The following HERC1 variants were observed in gnomAD, a reference collection of about 807,000 sequenced individuals.
The protein encoded by HERC1 is HECT and RLD domain containing E3 ubiquitin protein ligase family member 1, also known as probable E3 ubiquitin-protein ligase HERC1.
HERC1 carries 160 observed loss-of-function variants against 554.3 expected under a neutral mutation model. The ratio of observed to expected loss-of-function variants is 0.29; its 90% CI spans 0.25 to 0.33. HERC1 has a LOEUF of 0.33. Among genes scored for constraint, HERC1 ranks in the 10% least tolerant of loss-of-function variants. The pLI is 1.00. For missense variants in HERC1, 4,919 were observed against 5,918.5 expected (o/e 0.83, Z 5.54); for synonymous variants, 2,175 against 2,131.7 (o/e 1.02, Z -0.56).
chr15:63,669,770 T>TA, intron 39 of HERC1, 72 bp from the exon 40 acceptor site: 3 of 1,368,630 alleles, frequency 2.2e-6, no homozygotes, highest in Non-Finnish European at 3.1e-6. Context: ...AATCTTCTTA[T>TA]AGAAGAATAT....
At chr15:63,825,984 A>T (rs2077888361) in intron 1 of HERC1, among the ~76,000 whole-genome samples, 1 of 151,950 alleles carries the variant, frequency 6.6e-6, no homozygotes, top group African/African-American at 2.4e-5. Context: ...GCTGGTCTCA[A>T]ACTCCTGACC....
intron 1 of HERC1, among the ~76,000 whole-genome samples, chr15:63,811,810 A>G (rs1379903460): frequency 1.4e-5 from 1 of 69,390 alleles, no homozygotes; most frequent in East Asian, 2.3e-4. Context: ...CTCCGTCTCC[A>G]AAAAAAAAAA....
chr15:63,789,654 T>C (rs1352317649), intron 1 of HERC1, among the ~76,000 whole-genome samples: 1 of 151,346 alleles, frequency 6.6e-6, no homozygotes, highest in African/African-American at 2.4e-5. Flanking sequence ...AAAAATTAGC[T>C]AGGCGTTGTG....
intron 69 of HERC1, 41 bp downstream of exon 69, chr15:63,630,425 T>A (rs1355436510): frequency 2.5e-6 from 4 of 1,581,598 alleles, no homozygotes; most frequent in Non-Finnish European, 3.4e-6. Context: ...ACTGTGAGAT[T>A]TCTAGAATAT....
intron 1 of HERC1, among the ~76,000 whole-genome samples, chr15:63,781,034 A>C: frequency 6.6e-6 from 1 of 152,212 alleles, no homozygotes; most frequent in South Asian, 2.1e-4. Flanking sequence ...GTAATGATAT[A>C]ACAAACAAAT....
rs751400113 is a variant in HERC1 at position 63,732,964 on chromosome 15, A to T, written c.2828T>A (p.Ile943Asn). The T allele has an allele frequency of 3.1e-6, 5 of 1,613,806 alleles. No homozygotes were observed. The Admixed American group carries it at 5.0e-5, about 16-fold the overall frequency. Reference sequence around the variant, plus strand: ...ATTTCTTAAGAGGGTCTTCATCAAAATTTCAGCCAGGTGGGTATCTGGATG... The same window carrying T: ...ATTTCTTAAGAGGGTCTTCATCAAATTTTCAGCCAGGTGGGTATCTGGATG... ...SCHPDTHLAE[I>N]LMKTLLRNLG... The change falls in exon 14 of 78, where the codon ATT (isoleucine) becomes AAT (asparagine). Residue 943 changes from isoleucine to asparagine, a missense_variant. Transcript: ENST00000443617.
chr15:63,767,320 T>G (rs2075813119), intron 2 of HERC1, among the ~76,000 whole-genome samples: 1 of 152,140 alleles, frequency 6.6e-6, no homozygotes, highest in African/African-American at 2.4e-5. Context: ...TTTAAGTTGC[T>G]CTATATATTC....
At chr15:63,652,375 T>C in intron 52 of HERC1, 39 bp downstream of exon 52, 1 of 1,557,956 alleles carries the variant, frequency 6.4e-7, no homozygotes, top group Non-Finnish European at 8.7e-7. Flanking sequence ...TTTAGGATTC[T>C]CTTATTTTAA....
chr15:63,631,652 T>C (rs1408898510), intron 68 of HERC1, among the ~76,000 whole-genome samples: 1 of 152,220 alleles, frequency 6.6e-6, no homozygotes, highest in Non-Finnish European at 1.5e-5. Flanking sequence ...CAATTCTCCC[T>C]GCCTCAGCGT....
chr15:63,776,304 G>A (rs1296520410), intron 1 of HERC1, among the ~76,000 whole-genome samples: 1 of 152,012 alleles, frequency 6.6e-6, no homozygotes, highest in Non-Finnish European at 1.5e-5. Flanking sequence ...TATTCTACCA[G>A]TACCACCACC....
At chr15:63,643,247 T>C (rs2069160373) in intron 58 of HERC1, among the ~76,000 whole-genome samples, 157 bp downstream of exon 58, 1 of 152,164 alleles carries the variant, frequency 6.6e-6, no homozygotes, top group Non-Finnish European at 1.5e-5. Context: ...TTATCATCAG[T>C]AAGAAAAATG....
intron 2 of HERC1, among the ~76,000 whole-genome samples, chr15:63,767,218 C>T (rs1028719264): frequency 1.3e-5 from 2 of 148,544 alleles, no homozygotes; most frequent in Admixed American, 1.3e-4. Flanking sequence ...GGCCACACTG[C>T]TCTCGAACTA....
Position 63,718,087 on chromosome 15 carries a change from C to CAT in HERC1, c.3978+486_3978+487insAT, listed in dbSNP as rs2140376679. 1.3e-5 allele frequency among the ~76,000 whole-genome samples: 1 copy of CAT among 79,348 alleles called. No individual in the cohort carries two copies. The highest frequency in any genetic ancestry group is 4.7e-5 in the African/African-American group (1 of 21,186). 52.1% of individuals were successfully genotyped at this position (79,348 alleles called of 152,430 possible). On this transcript the variant is annotated intron_variant, in intron 21 of 77. Transcript: ENST00000443617. The surrounding 1 kb of genome is among the most constrained non-coding windows in gnomAD (Gnocchi z 4.2). ...TTTTTAAGGCAGCTATTATGTGACA[C>CAT]ACACACACACACACACACACACACA...
In HERC1 at chr15:63,696,324, G is replaced by C; in HGVS notation, c.4921C>G (p.Leu1641Val). ...GACAATAGAACGAGGATCTGATGAA[G>C]TGCCTCTAAACGAAGCTTGAGGAAA... ...QLRAELRLEA[L>V]HQILVLLSGM... Residue 1641 changes from leucine to valine, a missense_variant, in exon 27 of 78, where the codon CTT (leucine) becomes GTT (valine). Transcript: ENST00000443617. 1 of 1,611,700 alleles carries C rather than the reference G, an allele frequency of 6.2e-7. No homozygotes were observed. The highest frequency in any genetic ancestry group is 8.5e-7 in the Non-Finnish European group (1 of 1,178,836).
intron 64 of HERC1, 84 bp from the exon 65 acceptor site, chr15:63,636,226 T>A: frequency 2.2e-5 from 24 of 1,096,222 alleles, no homozygotes; most frequent in Non-Finnish European, 2.6e-5. Flanking sequence ...ATACCCTCAA[T>A]CAAAAACCAC....
At chr15:63,765,399 G>T (rs2075741578) in intron 2 of HERC1, among the ~76,000 whole-genome samples, 1 of 152,112 alleles carries the variant, frequency 6.6e-6, no homozygotes, top group South Asian at 2.1e-4. Context: ...CTATGGGAGG[G>T]CACTCTAAAA....
chr15:63,687,156 C>T (rs2071810398), intron 33 of HERC1, among the ~76,000 whole-genome samples: 1 of 152,296 alleles, frequency 6.6e-6, no homozygotes. Flanking sequence ...CTGATCACAT[C>T]TGTGCTTTAT....
chr15:63,670,351 CAGAGTAT>C (rs1001262650), intron 39 of HERC1, among the ~76,000 whole-genome samples: 4 of 151,538 alleles, frequency 2.6e-5, no homozygotes, highest in Non-Finnish European at 5.9e-5. Context: ...GGACAGCAGT[CAGAGTAT>C]AAAGTCCATA....
At chr15:63,809,130 G>A (rs1392737966) in intron 1 of HERC1, among the ~76,000 whole-genome samples, 1 of 152,164 alleles carries the variant, frequency 6.6e-6, no homozygotes. Flanking sequence ...TTATCTGAAA[G>A]AGTTAATGGT....
Sources: allele counts gnomAD v4.1 joint callset (sites outside exome capture counted in the v4.1 genomes callset), GRCh38; gene constraint gnomAD v4.1.1; non-coding constraint Gnocchi (gnomAD v3.1); transcripts MANE v1.5; gene names NCBI Gene and HGNC (gene_info 2026-07-23, HGNC 2026-07-21).